Variants in LINGO2 observed in about 807,000 individuals in gnomAD.
LINGO2 encodes leucine rich repeat and Ig domain containing 2.
A neutral mutation model predicts 30.6 loss-of-function variants in LINGO2; 14 were observed. The ratio of observed to expected loss-of-function variants is 0.46; its 90% CI spans 0.30 to 0.72. The LOEUF (loss-of-function observed/expected upper bound fraction) is 0.72. Ranked by LOEUF, LINGO2 falls within the 30% of genes least tolerant of loss-of-function variation. LINGO2 has a pLI of 0.07. For missense variants in LINGO2, 729 were observed against 751.7 expected (o/e 0.97, Z 0.35); for synonymous variants, 317 against 288.5 (o/e 1.10, Z -1.00).
the LINGO2 span, among the ~76,000 whole-genome samples, chr9:28,725,028 G>GA: frequency 6.6e-6 from 1 of 151,616 alleles, no homozygotes; most frequent in South Asian, 2.1e-4. Context: ...ACAAAAATCT[G>GA]AAATAAAAAT....
the LINGO2 span, among the ~76,000 whole-genome samples, chr9:28,919,016 G>C: frequency 6.6e-6 from 1 of 152,156 alleles, no homozygotes; most frequent in African/African-American, 2.4e-5. Context: ...AGAGGCTTCA[G>C]CTTCAATCCG....
At chr9:28,441,292 T>G (rs1929811) in intron 2 of LINGO2, among the ~76,000 whole-genome samples, 1 of 123,928 alleles carries the variant, frequency 8.1e-6, no homozygotes, top group Non-Finnish European at 1.6e-5. Context: ...TTTTTTTTGG[T>G]GAATTAGCCC....
At chr9:28,473,956 A>C (rs2135183288) in intron 2 of LINGO2, among the ~76,000 whole-genome samples, 1 of 152,266 alleles carries the variant, frequency 6.6e-6, no homozygotes, top group African/African-American at 2.4e-5. Context: ...CATCAGCATC[A>C]TTTTGAGAAA....
the LINGO2 span, among the ~76,000 whole-genome samples, chr9:28,864,815 G>GA: frequency 4.1e-4 from 62 of 151,398 alleles, no homozygotes; most frequent in African/African-American, 1.3e-3. Flanking sequence ...ATGTATGTAT[G>GA]AAAAAAAAAT....
chr9:28,402,052 GA>G (rs1822291469), intron 2 of LINGO2, among the ~76,000 whole-genome samples: 1 of 152,098 alleles, frequency 6.6e-6, no homozygotes, highest in Non-Finnish European at 1.5e-5. Flanking sequence ...TATAAGGAAA[GA>G]CTAGCTTTTT....
chr9:29,099,909 T>G, the LINGO2 span, among the ~76,000 whole-genome samples: 1 of 152,150 alleles, frequency 6.6e-6, no homozygotes, highest in Non-Finnish European at 1.5e-5. Context: ...GAAATTACTA[T>G]ATTGAAGAGA....
chr9:28,812,687 G>A, the LINGO2 span, among the ~76,000 whole-genome samples: 3 of 152,146 alleles, frequency 2.0e-5, no homozygotes, highest in Non-Finnish European at 4.4e-5. Flanking sequence ...GTTTTTCTCA[G>A]AGAAAGGCTT....
the LINGO2 span, among the ~76,000 whole-genome samples, chr9:29,197,510 A>T: frequency 3.3e-5 from 5 of 152,076 alleles, no homozygotes; most frequent in African/African-American, 1.2e-4. Flanking sequence ...TAATATTTTC[A>T]AAGTTATAAT....
intron 4 of LINGO2, among the ~76,000 whole-genome samples, chr9:28,027,560 A>T (rs978613998): frequency 6.6e-6 from 1 of 152,160 alleles, no homozygotes; most frequent in Non-Finnish European, 1.5e-5. Context: ...AGTCTGTCTA[A>T]TCCTACAGGT....
the LINGO2 span, among the ~76,000 whole-genome samples, chr9:28,753,005 A>G: frequency 6.6e-6 from 1 of 152,092 alleles, no homozygotes; most frequent in East Asian, 1.9e-4. Context: ...TCCAGGCCAC[A>G]TAGCACTTCA....
chr9:28,396,690 C>A (rs550569489), intron 2 of LINGO2, among the ~76,000 whole-genome samples: 3 of 99,570 alleles, frequency 3.0e-5, no homozygotes, highest in Non-Finnish European at 5.9e-5. Flanking sequence ...GGTGACAGAG[C>A]GAGACTCCAT....
In LINGO2 at chr9:28,273,948, C is replaced by T. The variant is rs141197737; in HGVS notation, c.-87+21260G>A. On this transcript the variant is annotated intron_variant, in intron 4 of 5. Transcript: ENST00000379992. The stretch of plus-strand genomic sequence containing the variant: ...TAGAGAGCAATGGACAAAAGAGGAA[C>T]TCCCCTTTCCTCCAGATAGAAAGCC... Among the ~76,000 whole-genome samples the T allele has an allele frequency of 1.3e-3, 194 of 152,230 alleles. 1 individual carries two copies. Among genetic ancestry groups the T allele is most frequent in the African/African-American group, 4.3e-3 (180 of 41,536 alleles).
At chr9:29,157,923 C>G in the LINGO2 span, among the ~76,000 whole-genome samples, 7 of 152,032 alleles carry the variant, frequency 4.6e-5, no homozygotes, top group Non-Finnish European at 8.8e-5. Context: ...TTAAAACATA[C>G]AGAATGTGTA....
At chr9:28,308,738 A>G (rs1447028418) in intron 3 of LINGO2, among the ~76,000 whole-genome samples, 2 of 151,756 alleles carry the variant, frequency 1.3e-5, no homozygotes, top group East Asian at 2.0e-4. Context: ...TTTACAAGAA[A>G]AAAACAAACA....
At chr9:28,173,785 C>T (rs1173523494) in intron 4 of LINGO2, among the ~76,000 whole-genome samples, 1 of 152,170 alleles carries the variant, frequency 6.6e-6, no homozygotes, top group African/African-American at 2.4e-5. Context: ...TATTAAGAGA[C>T]TGATATGTAC....
chr9:28,866,435 A>C, the LINGO2 span, among the ~76,000 whole-genome samples: 1 of 152,094 alleles, frequency 6.6e-6, no homozygotes, highest in Admixed American at 6.6e-5. Flanking sequence ...AAAGGAATTC[A>C]GAGTACCACG....
At chr9:28,240,955 T>C (rs1821761501) in intron 4 of LINGO2, among the ~76,000 whole-genome samples, 1 of 151,990 alleles carries the variant, frequency 6.6e-6, no homozygotes. Context: ...CCAGAATATA[T>C]AAGGAGCTCA....
chr9:28,584,046 T>G (rs973898403), intron 1 of LINGO2, among the ~76,000 whole-genome samples: 1 of 152,002 alleles, frequency 6.6e-6, no homozygotes, highest in East Asian at 1.9e-4. Context: ...CAGATTCCAT[T>G]GCCATGCTGT....
At chr9:28,772,658 C>T in the LINGO2 span, among the ~76,000 whole-genome samples, 1 of 152,120 alleles carries the variant, frequency 6.6e-6, no homozygotes, top group Non-Finnish European at 1.5e-5. Flanking sequence ...CTTTTTTGTA[C>T]TTCAGTACTA....
Sources: allele counts gnomAD v4.1 joint callset (sites outside exome capture counted in the v4.1 genomes callset), GRCh38; gene constraint gnomAD v4.1.1; transcripts MANE v1.5; gene names NCBI Gene and HGNC (gene_info 2026-07-23, HGNC 2026-07-21).